The following TRPM8 variants were observed in gnomAD, a reference collection of about 807,000 sequenced individuals.
TRPM8 encodes transient receptor potential cation channel subfamily M member 8, also known as TRPM8 cationic channel.
TRPM8 carries 110 observed loss-of-function variants against 133.7 expected under a neutral mutation model. That is an observed-to-expected ratio of 0.82 (90% CI 0.70 to 0.96). TRPM8 has a LOEUF of 0.96. Among genes scored for constraint, TRPM8 ranks in the 40% least tolerant of loss-of-function variants. TRPM8 has a pLI of 0.00. For missense variants in TRPM8, 1,291 were observed against 1,379.5 expected, an observed-to-expected ratio of 0.94 and a Z score of 1.02; for synonymous variants, 535 against 532.3, an observed-to-expected ratio of 1.01 and a Z score of -0.07.
At chr2:233,928,923 T>C (rs1013882708) in intron 2 of TRPM8, among the ~76,000 whole-genome samples, 7 of 152,144 alleles carry the variant, frequency 4.6e-5, no homozygotes, top group Non-Finnish European at 8.8e-5. Context: ...CTCTAAACAA[T>C]ACATTGTTTA....
intron 20 of TRPM8, among the ~76,000 whole-genome samples, chr2:233,984,505 CCTT>C (rs1692093261): frequency 6.6e-6 from 1 of 152,190 alleles, no homozygotes; most frequent in South Asian, 2.1e-4. Context: ...GTCCTTAACA[CCTT>C]CTCAGATTTC....
intron 7 of TRPM8, 86 bp downstream of exon 7, chr2:233,946,116 T>A: frequency 7.5e-6 from 10 of 1,333,292 alleles, no homozygotes; most frequent in Non-Finnish European, 9.5e-6. Flanking sequence ...AACTATTGAG[T>A]GATGCGTGAG....
At chr2:233,985,961 A>G (rs1692139786) in intron 21 of TRPM8, 96 bp downstream of exon 21, 2 of 1,176,308 alleles carry the variant, frequency 1.7e-6, no homozygotes, top group Admixed American at 4.4e-5. Flanking sequence ...CCCACCCTTG[A>G]GGAACATACT....
chr2:233,972,466 C>G (rs1290802281), intron 17 of TRPM8, among the ~76,000 whole-genome samples: 1 of 152,252 alleles, frequency 6.6e-6, no homozygotes, highest in Non-Finnish European at 1.5e-5. Flanking sequence ...CGCTGTGCGC[C>G]CGCACTCCTC....
chr2:233,943,872 G>A (rs1315975902), intron 6 of TRPM8, among the ~76,000 whole-genome samples: 1 of 152,178 alleles, frequency 6.6e-6, no homozygotes, highest in Non-Finnish European at 1.5e-5. Context: ...AAATGTTAAG[G>A]ATTTTTGGAA....
chr2:233,981,768 C>T lies in TRPM8; in HGVS notation c.2448-6C>T. 6.2e-7 allele frequency: 1 copy of T among 1,600,470 alleles called. No individual in the cohort carries two copies. Among genetic ancestry groups the T allele is most frequent in the Non-Finnish European group, 8.5e-7 (1 of 1,175,830 alleles). On this transcript the variant is annotated splice_polypyrimidine_tract_variant and splice_region_variant and intron_variant, in intron 18 of 25. Transcript: ENST00000324695. ...TCATGAATTCTGTTCCTTCTTTTCC[C>T]CCTAGGCTCCACTCTTCTAATAAAA...
rs200951791 is a variant in TRPM8, at chr2:234,017,880, G to A, written c.*624G>A. The A allele has an allele frequency of 2.6e-5, 4 of 152,288 alleles. No homozygotes were observed. Among genetic ancestry groups the A allele is most frequent in the Non-Finnish European group, 5.9e-5 (4 of 68,152 alleles). The allele number at this position is 152,288 out of a possible 1,614,324, so 9.4% of individuals were successfully genotyped here. ...GTCTCTTGCTCTCTTGGACTCACCAGGCTCCTATTGAAGGAACCACCCCCA... is the reference window on the plus strand; with the variant it reads ...GTCTCTTGCTCTCTTGGACTCACCAAGCTCCTATTGAAGGAACCACCCCCA... On this transcript the variant is annotated 3_prime_UTR_variant, in exon 26 of 26. Transcript: ENST00000324695.
intron 1 of TRPM8, among the ~76,000 whole-genome samples, chr2:233,918,531 C>T (rs915732040): frequency 6.6e-6 from 1 of 152,110 alleles, no homozygotes; most frequent in Non-Finnish European, 1.5e-5. Flanking sequence ...CTTGGAGCAT[C>T]ACCTGCTGCC....
chr2:233,952,301 T>A (rs1315549133), intron 9 of TRPM8, among the ~76,000 whole-genome samples: 1 of 152,216 alleles, frequency 6.6e-6, no homozygotes. Flanking sequence ...CAGTGCATTG[T>A]GTAATTGCAA....
At chr2:233,938,242 A>G (rs1690809481) in intron 4 of TRPM8, among the ~76,000 whole-genome samples, 1 of 152,218 alleles carries the variant, frequency 6.6e-6, no homozygotes, top group African/African-American at 2.4e-5. Flanking sequence ...CCCGGCTTCA[A>G]ACGCCTCAAG....
chr2:233,984,678 G>A (rs546323704), intron 20 of TRPM8, among the ~76,000 whole-genome samples: 13 of 152,030 alleles, frequency 8.6e-5, no homozygotes, highest in South Asian at 2.1e-4. Context: ...CCTTCCCCTC[G>A]AGCCCCTTCT....
chr2:234,012,439 C>A (rs1692862630), intron 24 of TRPM8, among the ~76,000 whole-genome samples: 1 of 151,628 alleles, frequency 6.6e-6, no homozygotes, highest in Non-Finnish European at 1.5e-5. Flanking sequence ...AGCCACCACG[C>A]CCAGCAGTCC....
rs1691661684 is a variant in TRPM8 at position 233,930,622 on chromosome 2, G to T, written c.118-46G>T. On this transcript the variant is annotated intron_variant, in intron 2 of 25. Transcript: ENST00000324695. ...TAGTATTCATCAATATCAGCAAGGG[G>T]TGAGAATAAATTAGTAATGTGTTAT... 3.0e-6 allele frequency: 4 copies of T among 1,330,468 alleles called. No homozygotes were observed. The East Asian group carries it at 7.0e-5, about 23-fold the overall frequency. 82.4% of individuals were successfully genotyped at this position (1,330,468 alleles called of 1,614,324 possible).
intron 3 of TRPM8, 73 bp downstream of exon 3, chr2:233,930,814 A>C: frequency 1.1e-6 from 1 of 932,272 alleles, no homozygotes. Context: ...ACAACAAACA[A>C]ATGCTCCCTA....
At chr2:233,956,658 T>C (rs1034142292) in intron 11 of TRPM8, among the ~76,000 whole-genome samples, 6 of 152,234 alleles carry the variant, frequency 3.9e-5, no homozygotes, top group African/African-American at 1.4e-4. Context: ...TATTGTTGTA[T>C]AATCAAAGAC....
intron 24 of TRPM8, among the ~76,000 whole-genome samples, chr2:234,008,508 A>G (rs1360320925): frequency 6.6e-6 from 1 of 152,248 alleles, no homozygotes; most frequent in African/African-American, 2.4e-5. Flanking sequence ...GGCATTGGAA[A>G]TGCGTGAGTA....
At chr2:233,974,869 CAGAG>C (rs368803601) in intron 17 of TRPM8, among the ~76,000 whole-genome samples, 14 of 149,412 alleles carry the variant, frequency 9.4e-5, no homozygotes, top group Middle Eastern at 3.4e-3. Context: ...CACAAATTAG[CAGAG>C]AGAGAGAGAG....
chr2:233,976,477 C>G (rs549611103), intron 17 of TRPM8, among the ~76,000 whole-genome samples: 1 of 151,988 alleles, frequency 6.6e-6, no homozygotes, highest in Non-Finnish European at 1.5e-5. Flanking sequence ...TGGGAGTAGA[C>G]AGGGGCAGGT....
At chr2:233,970,095 C>G in intron 16 of TRPM8, 115 bp from the exon 17 acceptor site, 1 of 998,956 alleles carries the variant, frequency 1.0e-6, no homozygotes. Flanking sequence ...CGGTTTTGCT[C>G]CCGTCTCTTC....
Sources: allele counts gnomAD v4.1 joint callset (sites outside exome capture counted in the v4.1 genomes callset), GRCh38; gene constraint gnomAD v4.1.1; transcripts MANE v1.5; gene names NCBI Gene and HGNC (gene_info 2026-07-23, HGNC 2026-07-21).